TYR: variants seen among roughly 807,000 people sequenced by gnomAD.
The protein encoded by TYR is tyrosinase, also known as LB24-AB.
A neutral mutation model predicts 51.5 loss-of-function variants in TYR; 58 were observed. The observed-to-expected ratio is 1.13, with a 90% CI of 0.91 to 1.40. TYR has a LOEUF of 1.40. Among genes scored for constraint, TYR ranks in the 40% most tolerant of loss-of-function variants. The pLI is 0.00. For missense variants in TYR, 732 were observed against 647.4 expected (o/e 1.13, Z -1.42); for synonymous variants, 263 against 235.2 (o/e 1.12, Z -1.08).
At chr11:89,192,980 T>C (rs547879443) in intron 2 of TYR, among the ~76,000 whole-genome samples, 1 of 152,152 alleles carries the variant, frequency 6.6e-6, no homozygotes, top group Admixed American at 6.6e-5. Context: ...TAATCAACAG[T>C]GGGTTGAGAG....
chr11:89,248,645 T>C lies in TYR; in HGVS notation c.1184+20675T>C, dbSNP rs566468868. The stretch of plus-strand genomic sequence containing the variant: ...GATCAATAGAGCCCTAAGTACAGTA[T>C]AGAGGAAAGAGTTTAAATTATTTTA... On this transcript the variant is annotated intron_variant, in intron 3 of 4. Coordinates refer to ENST00000263321, the MANE Select transcript of TYR (RefSeq NM_000372.5). Among the ~76,000 whole-genome samples, 372 of 152,336 alleles carry C rather than the reference T, an allele frequency of 2.4e-3. 1 individual carries two copies. Among genetic ancestry groups the C allele is most frequent in the African/African-American group, 8.5e-3 (354 of 41,592 alleles).
chr11:89,233,495 A>C (rs1210259891), intron 3 of TYR, among the ~76,000 whole-genome samples: 1 of 138,848 alleles, frequency 7.2e-6, no homozygotes, highest in East Asian at 2.1e-4. Flanking sequence ...CCTTTCCAAA[A>C]GGTTTTCAAT....
chr11:89,292,548 G>A (rs1385258788), intron 4 of TYR, among the ~76,000 whole-genome samples: 1 of 152,024 alleles, frequency 6.6e-6, no homozygotes, highest in Non-Finnish European at 1.5e-5. Context: ...TTAAATATAT[G>A]TGGTCAAAAT....
chr11:89,210,334 A>G (rs2135268547), intron 2 of TYR, among the ~76,000 whole-genome samples: 1 of 151,162 alleles, frequency 6.6e-6, no homozygotes, highest in South Asian at 2.1e-4. Context: ...TGCAAGCTTC[A>G]ATAGCAGATT....
chr11:89,182,418 A>T (rs903556840), intron 1 of TYR, among the ~76,000 whole-genome samples: 11 of 152,214 alleles, frequency 7.2e-5, no homozygotes, highest in African/African-American at 2.4e-4. Flanking sequence ...ACTTACTCAA[A>T]TTTGGGTATA....
intron 2 of TYR, among the ~76,000 whole-genome samples, chr11:89,202,622 T>TACATACACACACACAC (rs1555086932): frequency 3.5e-5 from 5 of 141,280 alleles, no homozygotes; most frequent in African/African-American, 1.4e-4. Context: ...ATTTTCATAA[T>TACATACACACACACAC]ACACACACAC....
intron 3 of TYR, among the ~76,000 whole-genome samples, chr11:89,248,509 C>G (rs1416009926): frequency 6.6e-6 from 1 of 151,842 alleles, no homozygotes; most frequent in African/African-American, 2.4e-5. Flanking sequence ...TTTAAAGGTC[C>G]CATGGCATAA....
chr11:89,198,780 T>TATATATATATATATATATA (rs1943558333), intron 2 of TYR, among the ~76,000 whole-genome samples: 1 of 151,766 alleles, frequency 6.6e-6, no homozygotes, highest in African/African-American at 2.4e-5. Flanking sequence ...TTTTTATACT[T>TATATATATATATATATATA]TAAGTTCTAG....
At chr11:89,217,752 G>A (rs963168157) in intron 2 of TYR, among the ~76,000 whole-genome samples, 3 of 152,058 alleles carry the variant, frequency 2.0e-5, no homozygotes, top group African/African-American at 7.2e-5. Context: ...CTGAAGCCTC[G>A]ATTCTTAACT....
At chr11:89,289,480 A>G (rs374075617) in intron 4 of TYR, among the ~76,000 whole-genome samples, 54 of 151,998 alleles carry the variant, frequency 3.6e-4, no homozygotes, top group African/African-American at 1.3e-3. Flanking sequence ...CTTCACAGAG[A>G]TGTAGGAAGT....
chr11:89,289,355 A>T (rs1944830656), intron 4 of TYR, among the ~76,000 whole-genome samples: 1 of 151,998 alleles, frequency 6.6e-6, no homozygotes, highest in South Asian at 2.1e-4. Context: ...GGCTGTGTAT[A>T]CCTGTGTGCA....
chr11:89,195,933 C>T (rs1209730910), intron 2 of TYR, among the ~76,000 whole-genome samples: 1 of 151,872 alleles, frequency 6.6e-6, no homozygotes, highest in Non-Finnish European at 1.5e-5. Context: ...GAGAATGGGA[C>T]ATGGGGACTG....
chr11:89,197,711 T>C (rs1943539549), intron 2 of TYR, among the ~76,000 whole-genome samples: 1 of 151,940 alleles, frequency 6.6e-6, no homozygotes, highest in Non-Finnish European at 1.5e-5. Context: ...AGTTGGTTAG[T>C]ATACAGAATC....
intron 3 of TYR, among the ~76,000 whole-genome samples, chr11:89,251,207 T>C (rs191613521): frequency 9.3e-4 from 142 of 151,952 alleles, no homozygotes; most frequent in South Asian, 2.3e-3. Flanking sequence ...AAAAATGAAT[T>C]AAAGAACAAT....
chr11:89,251,157 G>T (rs773611126), intron 3 of TYR, among the ~76,000 whole-genome samples: 2 of 151,732 alleles, frequency 1.3e-5, no homozygotes, highest in Non-Finnish European at 2.9e-5. Flanking sequence ...AATTCCAAAA[G>T]ATATTCTGTA....
chr11:89,278,449 G>A (rs1333388600), intron 3 of TYR, among the ~76,000 whole-genome samples: 1 of 151,454 alleles, frequency 6.6e-6, no homozygotes, highest in African/African-American at 2.4e-5. Flanking sequence ...TTAAATATAT[G>A]AATGAATAAA....
At chr11:89,191,562 C>T in intron 2 of TYR, 144 bp downstream of exon 2, 1 of 773,368 alleles carries the variant, frequency 1.3e-6, no homozygotes, top group Non-Finnish European at 2.1e-6. Flanking sequence ...TCGACAATGA[C>T]CCTAGCTGAC....
intron 4 of TYR, 88 bp downstream of exon 4, chr11:89,285,042 G>A: frequency 5.3e-6 from 6 of 1,136,184 alleles, no homozygotes; most frequent in Non-Finnish European, 8.0e-6. Flanking sequence ...CTTCGACAAT[G>A]TTATTCCTGA....
chr11:89,229,194 A>G (rs1235678175), intron 3 of TYR, among the ~76,000 whole-genome samples: 2 of 152,106 alleles, frequency 1.3e-5, no homozygotes, highest in African/African-American at 2.4e-5. Flanking sequence ...ATCATTAGGC[A>G]GATTTTTATT....
Sources: allele counts gnomAD v4.1 joint callset (sites outside exome capture counted in the v4.1 genomes callset), GRCh38; gene constraint gnomAD v4.1.1; transcripts MANE v1.5; gene names NCBI Gene and HGNC (gene_info 2026-07-23, HGNC 2026-07-21).